The following AGAP1 variants were observed in gnomAD, a reference collection of about 807,000 sequenced individuals.
AGAP1 encodes the protein ArfGAP with GTPase domain, ankyrin repeat and PH domain 1, also known as arf-GAP with GTPase, ANK repeat and PH domain-containing protein 1.
In AGAP1, 29 loss-of-function variants were observed where a neutral mutation model predicts 105.3. The ratio of observed to expected loss-of-function variants is 0.28; its 90% confidence interval spans 0.21 to 0.38. The LOEUF is 0.38. Ranked by LOEUF, AGAP1 falls within the 10% of genes least tolerant of loss-of-function variation. The pLI is 1.00. For synonymous variants in AGAP1, 509 were observed against 485.9 expected (o/e 1.05, Z -0.63); for missense variants, 998 against 1,165.1 (o/e 0.86, Z 2.09).
rs556702444 is a variant in AGAP1 at position 235,854,119 on chromosome 2, C to T, written c.1051-29226C>T. The stretch of plus-strand genomic sequence containing the variant: ...AATACTCAGCTAGAGAGAGTGGAGC[C>T]GCTGTGTTGAGACAGGCACTCCCCC... On this transcript the variant is annotated intron_variant, in intron 9 of 17. Transcript: ENST00000304032. Among the ~76,000 whole-genome samples, 20 of 152,218 alleles carry T rather than the reference C, an allele frequency of 1.3e-4. 1 individual carries two copies. In the South Asian group the frequency reaches 3.7e-3, roughly 28 times the overall value.
In AGAP1 at chr2:235,967,222, C is replaced by A. The variant is rs1175865402; in HGVS notation, c.1484-1240C>A. 6.6e-6 allele frequency among the ~76,000 whole-genome samples: 1 copy of A among 152,178 alleles called. No individual in the cohort carries two copies. The highest frequency in any genetic ancestry group is 1.5e-5 in the Non-Finnish European group (1 of 68,034). On this transcript the variant is annotated intron_variant, in intron 12 of 17. Transcript: ENST00000304032. This position sits in a 1 kb window ranked among gnomAD's most constrained non-coding sequence, Gnocchi z 4.7. ...CCTTGGAGCCAGGCTCTGACTGTTT[C>A]TCTGCTCTCATTACCTTCTCACTCC... is the stretch of plus-strand genomic sequence containing the variant.
rs964463446 is a variant in AGAP1 at position 236,012,614 on chromosome 2, C to A, written c.1646-23947C>A. ...GATCCTTTTCCCAGGTTTGGAGTTA[C>A]CTGAGACAGATACTTAGGTAGGACC... On this transcript the variant is annotated intron_variant, in intron 13 of 17. Transcript: ENST00000304032. The surrounding 1 kb of genome is among the most constrained non-coding windows in gnomAD (Gnocchi z 4.9). 6.6e-6 allele frequency among the ~76,000 whole-genome samples: 1 copy of A among 152,024 alleles called. No individual in the cohort carries two copies. Among genetic ancestry groups the A allele is most frequent in the Non-Finnish European group, 1.5e-5 (1 of 68,016 alleles).
intron 6 of AGAP1, among the ~76,000 whole-genome samples, chr2:235,773,036 T>A (rs1955581808): frequency 6.6e-6 from 1 of 152,176 alleles, no homozygotes; most frequent in Non-Finnish European, 1.5e-5. Context: ...TTTTGGCCTT[T>A]TGAGCAAAGA....
intron 12 of AGAP1, among the ~76,000 whole-genome samples, chr2:235,948,648 C>T (rs1199768390): frequency 1.3e-5 from 2 of 152,026 alleles, no homozygotes; most frequent in African/African-American, 4.8e-5. Context: ...GTCTTTGTAG[C>T]GCTAGAGATG....
At chr2:235,648,708 CAAAAAAAAAAA>C (rs200700617) in intron 1 of AGAP1, among the ~76,000 whole-genome samples, 4 of 132,184 alleles carry the variant, frequency 3.0e-5, no homozygotes, top group Non-Finnish European at 6.6e-5. Flanking sequence ...CCCATCTCTA[CAAAAAAAAAAA>C]AAAAAAAAAA....
chr2:235,816,459 G>T (rs1415947309), intron 9 of AGAP1, among the ~76,000 whole-genome samples: 1 of 135,506 alleles, frequency 7.4e-6, no homozygotes, highest in Non-Finnish European at 1.6e-5. Flanking sequence ...AAAAAAAAAG[G>T]AAAGAAAGAG....
chr2:235,831,252 A>G (rs1478716840), intron 9 of AGAP1, among the ~76,000 whole-genome samples: 2 of 137,418 alleles, frequency 1.5e-5, no homozygotes, highest in Non-Finnish European at 2.9e-5. Context: ...AAAGTTGAGC[A>G]GAAGGACACC....
Position 236,040,887 on chromosome 2 carries a change from G to T in AGAP1, c.1891+46G>T. On this transcript the variant is annotated intron_variant, in intron 15 of 17. Coordinates refer to ENST00000304032, the MANE Select transcript of AGAP1 (RefSeq NM_001037131.3). This position sits in a 1 kb window ranked among gnomAD's most constrained non-coding sequence, Gnocchi z 5.6. ...CAGGGGCTGGCGCTGTGTAGCTGGA[G>T]ACCACATGGTCCCACTAGGCCCGGG... 2 of 1,603,156 alleles carry T rather than the reference G, an allele frequency of 1.2e-6. No homozygotes were observed. Among genetic ancestry groups the T allele is most frequent in the Non-Finnish European group, 1.7e-6 (2 of 1,170,654 alleles).
chr2:236,091,541 C>T (rs762121463), intron 16 of AGAP1, among the ~76,000 whole-genome samples: 6 of 152,136 alleles, frequency 3.9e-5, no homozygotes, highest in Non-Finnish European at 8.8e-5. Flanking sequence ...GAGGCTGAGG[C>T]AGGCAGATAG....
chr2:235,935,492 A>G (rs1409351697), intron 12 of AGAP1, among the ~76,000 whole-genome samples: 1 of 152,184 alleles, frequency 6.6e-6, no homozygotes. Flanking sequence ...GTGGCTGTAA[A>G]TTCCTGTCCT....
Position 236,020,354 on chromosome 2 carries a change from C to A in AGAP1, c.1646-16207C>A, listed in dbSNP as rs139950333. Among the ~76,000 whole-genome samples, 879 of 152,276 alleles carry A rather than the reference C, an allele frequency of 5.8e-3. 5 individuals are homozygous for A. The highest frequency in any genetic ancestry group is 0.02 in the African/African-American group (829 of 41,550). On this transcript the variant is annotated intron_variant, in intron 13 of 17. Coordinates refer to ENST00000304032, the MANE Select transcript of AGAP1 (RefSeq NM_001037131.3). This position sits in a 1 kb window ranked among gnomAD's most constrained non-coding sequence, Gnocchi z 5.0. ...AGCCAGGAACAGAGATTTGAAAAGA[C>A]GTGTTGCCCATGAAGCATAGGGGGG...
intron 9 of AGAP1, among the ~76,000 whole-genome samples, chr2:235,858,476 A>G (rs1174945409): frequency 6.6e-6 from 1 of 152,196 alleles, no homozygotes; most frequent in Non-Finnish European, 1.5e-5. Flanking sequence ...GAACGTATAT[A>G]TCCTGTTTGT....
chr2:236,013,571 T>C (rs946432615), intron 13 of AGAP1, among the ~76,000 whole-genome samples: 1 of 124,952 alleles, frequency 8.0e-6, no homozygotes, highest in Non-Finnish European at 1.6e-5. Context: ...GACCTGCCTC[T>C]GGAAGGGTAA....
Position 235,785,246 on chromosome 2 carries a change from C to T in AGAP1, c.674-12513C>T, listed in dbSNP as rs74724336. ...TTTTTCTTAAAAGTGAGAAGCTATC[C>T]GAAGGAGAGTGTGCCTGTGAGAAAT... is the stretch of plus-strand genomic sequence containing the variant. On this transcript the variant is annotated intron_variant, in intron 6 of 17. Coordinates refer to ENST00000304032, the MANE Select transcript of AGAP1 (RefSeq NM_001037131.3). Among the ~76,000 whole-genome samples, 312 of 152,226 alleles carry T rather than the reference C, an allele frequency of 2.0e-3. 1 individual carries two copies. Among genetic ancestry groups the T allele is most frequent in the Non-Finnish European group, 3.7e-3 (249 of 68,022 alleles).
At position 236,000,910 on chromosome 2, in the gene AGAP1, C is replaced by T. The variant is rs764298325; in HGVS notation, c.1645+32287C>T. ...AGGAACCAGGGCCAAGCGAGGGAGG[C>T]AGATGCCGCGTGGCGTGAGGAGGGT... On this transcript the variant is annotated intron_variant, in intron 13 of 17. Coordinates refer to ENST00000304032, the MANE Select transcript of AGAP1 (RefSeq NM_001037131.3). The surrounding 1 kb of genome is among the most constrained non-coding windows in gnomAD (Gnocchi z 4.3). Among the ~76,000 whole-genome samples, 6 of 152,150 alleles carry T rather than the reference C, an allele frequency of 3.9e-5. No homozygotes were observed. The highest frequency in any genetic ancestry group is 8.8e-5 in the Non-Finnish European group (6 of 68,040).
intron 11 of AGAP1, among the ~76,000 whole-genome samples, chr2:235,911,614 C>T (rs1035071553): frequency 6.6e-5 from 10 of 152,210 alleles, no homozygotes; most frequent in African/African-American, 2.2e-4. Context: ...CCCTATAAAC[C>T]GTACCATATC....
At chr2:235,785,938 C>G (rs1048143594) in intron 6 of AGAP1, among the ~76,000 whole-genome samples, 2 of 152,146 alleles carry the variant, frequency 1.3e-5, no homozygotes, top group Non-Finnish European at 2.9e-5. Context: ...AGGGAAGTCC[C>G]GTAGCTTTGC....
rs1186482962 is a variant in AGAP1 at position 235,893,854 on chromosome 2, T to C, written c.1155+10405T>C. Among the ~76,000 whole-genome samples the C allele has an allele frequency of 6.6e-6, 1 of 152,148 alleles. No homozygotes were observed. The highest frequency in any genetic ancestry group is 1.5e-5 in the Non-Finnish European group (1 of 68,016). On this transcript the variant is annotated intron_variant, in intron 10 of 17. Transcript: ENST00000304032. The surrounding 1 kb of genome is among the most constrained non-coding windows in gnomAD (Gnocchi z 4.7). ...ATCTTTGCTCCTGAACTTCCTGGAC[T>C]CCAGCCCTCAACATTGACAATCCTG...
rs1952763595 is a variant in AGAP1, at chr2:235,744,322, T to A, written c.397-376T>A. Among the ~76,000 whole-genome samples the A allele has an allele frequency of 6.6e-6, 1 of 152,082 alleles. No homozygotes were observed. Among genetic ancestry groups the A allele is most frequent in the South Asian group, 2.1e-4 (1 of 4,830 alleles). ...GAGTACAGTGGAAAGCCTTAGGGCT[T>A]GAGGGGCTCTGGCAGGAGGTGGGTC... On this transcript the variant is annotated intron_variant, in intron 4 of 17. Coordinates refer to ENST00000304032, the MANE Select transcript of AGAP1 (RefSeq NM_001037131.3). The surrounding 1 kb of genome is among the most constrained non-coding windows in gnomAD (Gnocchi z 5.2).
Sources: allele counts gnomAD v4.1 joint callset (sites outside exome capture counted in the v4.1 genomes callset), GRCh38; gene constraint gnomAD v4.1.1; non-coding constraint Gnocchi (gnomAD v3.1); transcripts MANE v1.5; gene names NCBI Gene and HGNC (gene_info 2026-07-23, HGNC 2026-07-21).